The following RBFOX1 variants were observed in gnomAD, a reference collection of about 807,000 sequenced individuals.
RBFOX1 encodes the protein RNA binding fox-1 homolog 1.
In RBFOX1, 8 loss-of-function variants were observed where a neutral mutation model predicts 57.7. The ratio of observed to expected loss-of-function variants is 0.14; its 90% CI spans 0.08 to 0.25. The LOEUF is 0.25. Among genes scored for constraint, RBFOX1 ranks in the 10% least tolerant of loss-of-function variants. The pLI, the probability that RBFOX1 is intolerant of heterozygous loss-of-function variation, is 1.00. For missense variants in RBFOX1, 611 were observed against 548.5 expected (o/e 1.11, Z -1.14); for synonymous variants, 326 against 222.4 (o/e 1.47, Z -4.15).
At chr16:7,388,391 G>T (rs867888432) in intron 4 of RBFOX1, among the ~76,000 whole-genome samples, 4 of 152,160 alleles carry the variant, frequency 2.6e-5, no homozygotes, top group African/African-American at 9.7e-5. Flanking sequence ...TATTGCTGGG[G>T]TGTATAATTT....
chr16:7,703,534 G>A (rs2081444289), intron 14 of RBFOX1, among the ~76,000 whole-genome samples: 2 of 152,136 alleles, frequency 1.3e-5, no homozygotes, highest in African/African-American at 2.4e-5. Flanking sequence ...TCAAAATAGG[G>A]AGTAAAATAT....
chr16:6,003,424 G>C (rs945731008), intron 4 of RBFOX1, among the ~76,000 whole-genome samples: 1 of 152,042 alleles, frequency 6.6e-6, no homozygotes, highest in Non-Finnish European at 1.5e-5. Flanking sequence ...GCTCCAAACA[G>C]TTTCTCCTCC....
intron 2 of RBFOX1, among the ~76,000 whole-genome samples, chr16:6,605,630 A>G (rs568773904): frequency 2.0e-5 from 3 of 152,234 alleles, no homozygotes; most frequent in Non-Finnish European, 2.9e-5. Context: ...CAGAGTGAAA[A>G]CTTAATACTC....
chr16:5,550,038 G>A (rs557009677), intron 2 of RBFOX1, among the ~76,000 whole-genome samples: 2 of 152,298 alleles, frequency 1.3e-5, no homozygotes, highest in African/African-American at 4.8e-5. Context: ...TTTACCTACT[G>A]TTTCTCGCAG....
intron 4 of RBFOX1, among the ~76,000 whole-genome samples, chr16:5,894,735 T>A (rs1224146631): frequency 6.6e-6 from 1 of 152,102 alleles, no homozygotes; most frequent in Non-Finnish European, 1.5e-5. Flanking sequence ...GAAATTCATC[T>A]ACAGGGCCAG....
chr16:7,235,559 T>C (rs1273001739), intron 4 of RBFOX1, among the ~76,000 whole-genome samples: 4 of 152,188 alleles, frequency 2.6e-5, no homozygotes, highest in African/African-American at 9.7e-5. Flanking sequence ...AATGGATGTA[T>C]GTTGTGATGG....
At chr16:5,523,444 G>C (rs1051685800) in intron 2 of RBFOX1, among the ~76,000 whole-genome samples, 1 of 151,154 alleles carries the variant, frequency 6.6e-6, no homozygotes, top group Non-Finnish European at 1.5e-5. Flanking sequence ...GTGAAACCCT[G>C]TCTTTACAAA....
chr16:5,530,186 G>C (rs1198866558), intron 2 of RBFOX1, among the ~76,000 whole-genome samples: 1 of 152,204 alleles, frequency 6.6e-6, no homozygotes, highest in Non-Finnish European at 1.5e-5. Context: ...ATAATTGAAA[G>C]AACCTTATTC....
At chr16:5,312,097 C>A (rs780341767) in intron 1 of RBFOX1, among the ~76,000 whole-genome samples, 1 of 152,122 alleles carries the variant, frequency 6.6e-6, no homozygotes, top group Non-Finnish European at 1.5e-5. Context: ...TGCAAAGGGT[C>A]GGTTTGCTAT....
At chr16:6,806,796 A>G (rs1427814408) in intron 3 of RBFOX1, among the ~76,000 whole-genome samples, 2 of 121,832 alleles carry the variant, frequency 1.6e-5, no homozygotes, top group Non-Finnish European at 3.4e-5. Flanking sequence ...CTTTTCATTT[A>G]TATATATAAA....
intron 4 of RBFOX1, among the ~76,000 whole-genome samples, chr16:7,267,669 A>G (rs1347395750): frequency 1.8e-4 from 28 of 152,152 alleles, no homozygotes; most frequent in Admixed American, 1.8e-3. Context: ...AGCCTGGCCA[A>G]CATGGCAAAA....
In RBFOX1 at chr16:6,770,458, C is replaced by T. The variant is rs571124706; in HGVS notation, c.-16+115808C>T. 4.1e-4 allele frequency among the ~76,000 whole-genome samples: 63 copies of T among 152,340 alleles called. 2 individuals are homozygous for T. In the South Asian group the frequency reaches 0.012, roughly 30 times the overall value. Reference sequence around the variant, plus strand: ...GCTGCACCTATGCAAGCATATATTTCTGCGGCAGCTTTTGGGTACCACGGC... The same window carrying T: ...GCTGCACCTATGCAAGCATATATTTTTGCGGCAGCTTTTGGGTACCACGGC... On this transcript the variant is annotated intron_variant, in intron 3 of 15. Coordinates refer to ENST00000550418, the MANE Select transcript of RBFOX1 (RefSeq NM_018723.4).
rs536057811 is a variant in RBFOX1 at position 7,579,890 on chromosome 16, C to T, written c.384C>T (p.Phe128=). The T allele has an allele frequency of 5.6e-6, 9 of 1,614,128 alleles. No homozygotes were observed. The East Asian group carries it at 1.8e-4, about 32-fold the overall frequency. ...RLHVSNIPFR[F]RDPDLRQMFG... ...ATGTCTCCAATATCCCCTTCAGGTT[C>T]CGGGATCCGGACCTCAGACAAATGT... The change falls in exon 6 of 16, where the codon TTC becomes TTT. Residue 128 remains phenylalanine (F), a synonymous_variant. Coordinates refer to ENST00000550418, the MANE Select transcript of RBFOX1 (RefSeq NM_018723.4).
intron 2 of RBFOX1, among the ~76,000 whole-genome samples, chr16:6,363,146 T>C (rs1413389521): frequency 2.0e-5 from 3 of 152,326 alleles, no homozygotes; most frequent in Middle Eastern, 3.4e-3. Flanking sequence ...AGTAACTCAA[T>C]TGGCTTCAAA....
intron 4 of RBFOX1, among the ~76,000 whole-genome samples, chr16:5,988,242 T>C (rs941956725): frequency 6.6e-6 from 1 of 152,162 alleles, no homozygotes; most frequent in African/African-American, 2.4e-5. Context: ...CCCTCACTAA[T>C]ATCCATGATA....
At chr16:5,800,317 A>G (rs753201345) in intron 3 of RBFOX1, among the ~76,000 whole-genome samples, 1 of 152,202 alleles carries the variant, frequency 6.6e-6, no homozygotes, top group African/African-American at 2.4e-5. Context: ...ACTCATGCAT[A>G]ACCATGCACA....
chr16:5,587,309 G>A (rs1471025359), intron 2 of RBFOX1, among the ~76,000 whole-genome samples: 1 of 152,144 alleles, frequency 6.6e-6, no homozygotes, highest in Admixed American at 6.6e-5. Flanking sequence ...TTCACAAATG[G>A]CCAGTAATCA....
Position 6,300,349 on chromosome 16 carries a change from A to G in RBFOX1, c.-126-16646A>G, listed in dbSNP as rs1002644329. Among the ~76,000 whole-genome samples, 6 of 152,190 alleles carry G rather than the reference A, an allele frequency of 3.9e-5. No individual in the cohort carries two copies. The South Asian group carries it at 1.2e-3, about 32-fold the overall frequency. On this transcript the variant is annotated intron_variant, in intron 1 of 15. Transcript: ENST00000550418. ...TAAGTGTTCTCACCACAAAAAAGAT[A>G]AGTATACACATGTTAATTAGCTTGA...
intron 2 of RBFOX1, among the ~76,000 whole-genome samples, chr16:6,478,393 AT>A (rs2095308378): frequency 6.5e-5 from 1 of 15,270 alleles, no homozygotes; most frequent in African/African-American, 2.5e-4. Context: ...CAGCTAATAT[AT>A]ATATATATAT....
Sources: gnomAD v4.1 joint callset for allele counts (sites outside exome capture counted in the v4.1 genomes callset) on GRCh38, gnomAD v4.1.1 for gene constraint, MANE v1.5 for transcripts, NCBI Gene and HGNC (gene_info 2026-07-23, HGNC 2026-07-21) for gene names.